Variants in ZNRF2 observed in about 807,000 individuals in gnomAD.
The protein encoded by ZNRF2 is E3 ubiquitin-protein ligase ZNRF2.
A neutral mutation model predicts 20.4 loss-of-function variants in ZNRF2; 16 were observed. That is an observed-to-expected ratio of 0.79 (90% confidence interval 0.53 to 1.19). ZNRF2 has a LOEUF of 1.19. Ranked by LOEUF, ZNRF2 falls within the 50% of genes most tolerant of loss-of-function variation. The pLI is 0.00. For synonymous variants in ZNRF2, 178 were observed against 144.9 expected (o/e 1.23, Z -1.64); for missense variants, 363 against 332.4 (o/e 1.09, Z -0.72).
At position 30,310,006 on chromosome 7, in the gene ZNRF2, A is replaced by C. The variant is rs143204756; in HGVS notation, c.470-13636A>C. On this transcript the variant is annotated intron_variant, in intron 1 of 4. Transcript: ENST00000323037. Reference sequence around the variant, plus strand: ...GGTGTTTTGAAGATAGCCTGTGACAACAGTTTGGGGAAGGGTGAGGTCAAG... The same window carrying C: ...GGTGTTTTGAAGATAGCCTGTGACACCAGTTTGGGGAAGGGTGAGGTCAAG... Among the ~76,000 whole-genome samples the C allele has an allele frequency of 1.9e-3, 296 of 152,282 alleles. 1 individual carries two copies. Among genetic ancestry groups the C allele is most frequent in the African/African-American group, 6.9e-3 (285 of 41,556 alleles).
chr7:30,315,873 A>G lies in ZNRF2; in HGVS notation c.470-7769A>G, dbSNP rs183246678. Among the ~76,000 whole-genome samples, 33 of 152,238 alleles carry G rather than the reference A, an allele frequency of 2.2e-4. No homozygotes were observed. In the East Asian group the frequency reaches 4.6e-3, roughly 21 times the overall value. On this transcript the variant is annotated intron_variant, in intron 1 of 4. Coordinates refer to ENST00000323037, the MANE Select transcript of ZNRF2 (RefSeq NM_147128.4). ...TTTCATTCATTCAAATATTTGAGTG[A>G]TAGTGTGTGTCATGAGAGGCACACT... is the stretch of plus-strand genomic sequence containing the variant.
chr7:30,311,666 A>G (rs989492693), intron 1 of ZNRF2, among the ~76,000 whole-genome samples: 3 of 152,222 alleles, frequency 2.0e-5, no homozygotes, highest in African/African-American at 7.2e-5. Flanking sequence ...GCTAAGCTTG[A>G]AAATCCTTGT....
intron 2 of ZNRF2, among the ~76,000 whole-genome samples, chr7:30,332,211 T>A (rs1400951855): frequency 1.3e-5 from 2 of 152,200 alleles, no homozygotes; most frequent in African/African-American, 4.8e-5. Context: ...CCTGTCTTCA[T>A]AGAGTTACTG....
intron 1 of ZNRF2, among the ~76,000 whole-genome samples, chr7:30,311,831 T>C (rs1454518249): frequency 2.0e-5 from 3 of 152,184 alleles, no homozygotes; most frequent in African/African-American, 7.2e-5. Context: ...CGTTACTGAT[T>C]ACAGTCAGGT....
chr7:30,338,333 TAC>T (rs928289198), intron 2 of ZNRF2, among the ~76,000 whole-genome samples: 1 of 151,924 alleles, frequency 6.6e-6, no homozygotes, highest in African/African-American at 2.4e-5. Flanking sequence ...ACAGGTTTGT[TAC>T]ATAGGTATAC....
At chr7:30,305,667 T>C (rs1478879492) in intron 1 of ZNRF2, among the ~76,000 whole-genome samples, 1 of 152,178 alleles carries the variant, frequency 6.6e-6, no homozygotes, top group Non-Finnish European at 1.5e-5. Flanking sequence ...TTAATTCTTA[T>C]AGCAGTGTTG....
chr7:30,362,847 G>T (rs1454348906), intron 4 of ZNRF2, among the ~76,000 whole-genome samples: 2 of 152,070 alleles, frequency 1.3e-5, no homozygotes, highest in Non-Finnish European at 2.9e-5. Context: ...GCTGGGCATG[G>T]TGGCTCACAC....
intron 1 of ZNRF2, among the ~76,000 whole-genome samples, chr7:30,317,965 T>A (rs1799403816): frequency 6.6e-6 from 1 of 152,224 alleles, no homozygotes; most frequent in Non-Finnish European, 1.5e-5. Context: ...ATTCCATTGT[T>A]TGTCATATTC....
chr7:30,285,875 C>A (rs563067384), intron 1 of ZNRF2, 49 bp downstream of exon 1: 3 of 1,397,994 alleles, frequency 2.1e-6, no homozygotes, highest in South Asian at 1.7e-5. Context: ...CGCGGCTGCA[C>A]GTGGGCCGTG....
intron 1 of ZNRF2, among the ~76,000 whole-genome samples, chr7:30,312,346 A>G (rs1166362892): frequency 1.3e-5 from 2 of 152,134 alleles, no homozygotes; most frequent in Non-Finnish European, 2.9e-5. Flanking sequence ...AGTTGACAGC[A>G]TAGTAAAGTG....
At chr7:30,337,552 T>C (rs1158176322) in intron 2 of ZNRF2, among the ~76,000 whole-genome samples, 1 of 152,156 alleles carries the variant, frequency 6.6e-6, no homozygotes, top group Non-Finnish European at 1.5e-5. Context: ...ATCTTTTATC[T>C]TGGGAAGTAG....
At chr7:30,361,865 C>T (rs189317765) in intron 3 of ZNRF2, among the ~76,000 whole-genome samples, 1 of 152,176 alleles carries the variant, frequency 6.6e-6, no homozygotes, top group Non-Finnish European at 1.5e-5. Context: ...TTCCTAAATA[C>T]AAATGATTAA....
chr7:30,330,223 G>A (rs1373480822), intron 2 of ZNRF2, among the ~76,000 whole-genome samples: 3 of 152,034 alleles, frequency 2.0e-5, no homozygotes, highest in Non-Finnish European at 4.4e-5. Context: ...CTTAGAAGAG[G>A]TACAACTTGA....
At chr7:30,357,412 A>C (rs42580) in intron 3 of ZNRF2, among the ~76,000 whole-genome samples, 24,881 of 152,078 alleles carry the variant, frequency 0.16, 3,991 homozygotes, top group African/African-American at 0.42. Context: ...TCATGGAATG[A>C]AGGAAATACT....
chr7:30,312,823 T>A (rs1356432783), intron 1 of ZNRF2, among the ~76,000 whole-genome samples: 1 of 152,228 alleles, frequency 6.6e-6, no homozygotes, highest in Non-Finnish European at 1.5e-5. Flanking sequence ...ATTTGTTATC[T>A]GGTTGCTATA....
chr7:30,326,827 A>T (rs530318993), intron 2 of ZNRF2, among the ~76,000 whole-genome samples: 2 of 152,184 alleles, frequency 1.3e-5, no homozygotes, highest in South Asian at 4.1e-4. Context: ...AATAATACGC[A>T]TTCTGACGCT....
intron 1 of ZNRF2, among the ~76,000 whole-genome samples, chr7:30,305,116 A>G (rs755996243): frequency 6.6e-6 from 1 of 152,130 alleles, no homozygotes; most frequent in Non-Finnish European, 1.5e-5. Flanking sequence ...TCTCTTTCCT[A>G]TTCTGTGTTC....
chr7:30,287,177 A>T (rs1045511054), intron 1 of ZNRF2, among the ~76,000 whole-genome samples: 3 of 152,164 alleles, frequency 2.0e-5, no homozygotes, highest in Non-Finnish European at 4.4e-5. Flanking sequence ...GAGTAAAAGA[A>T]CTCTACTGGT....
intron 2 of ZNRF2, among the ~76,000 whole-genome samples, chr7:30,348,174 TAA>T (rs551400861): frequency 2.0e-4 from 23 of 114,882 alleles, no homozygotes; most frequent in Admixed American, 4.4e-4. Context: ...TTAAAAATGT[TAA>T]AAAAAAAAAA....
Sources: allele counts gnomAD v4.1 joint callset (sites outside exome capture counted in the v4.1 genomes callset), GRCh38; gene constraint gnomAD v4.1.1; transcripts MANE v1.5; gene names NCBI Gene and HGNC (gene_info 2026-07-23, HGNC 2026-07-21).